The following FBXO40 variants were observed in gnomAD, a reference collection of about 807,000 sequenced individuals.
FBXO40 encodes the protein F-box protein 40.
FBXO40 carries 50 observed loss-of-function variants against 49.9 expected under a neutral mutation model. That is an observed-to-expected ratio of 1.00 (90% CI 0.80 to 1.27). The LOEUF is 1.27. Among genes scored for constraint, FBXO40 ranks in the 50% most tolerant of loss-of-function variants. The pLI is 0.00. For missense variants in FBXO40, 895 were observed against 870.1 expected, an observed-to-expected ratio of 1.03 and a Z score of -0.36; for synonymous variants, 340 against 320.2, an observed-to-expected ratio of 1.06 and a Z score of -0.66.
chr3:121,607,157 T>TGG (rs964785250), intron 1 of FBXO40, among the ~76,000 whole-genome samples: 2 of 150,292 alleles, frequency 1.3e-5, no homozygotes, highest in Non-Finnish European at 3.0e-5. Context: ...CCCAGCTACT[T>TGG]GGAAGGCTGA....
chr3:121,597,039 C>T (rs1372245190), intron 1 of FBXO40, among the ~76,000 whole-genome samples: 2 of 152,180 alleles, frequency 1.3e-5, no homozygotes, highest in Non-Finnish European at 2.9e-5. Context: ...CCTCCTTCCA[C>T]TGCCTGCACA....
intron 1 of FBXO40, among the ~76,000 whole-genome samples, chr3:121,606,211 A>G (rs1481954462): frequency 1.3e-5 from 2 of 152,232 alleles, no homozygotes; most frequent in Non-Finnish European, 2.9e-5. Flanking sequence ...AAGAGGAAGT[A>G]TAGACCTTCT....
chr3:121,629,737 A>G lies in FBXO40; in HGVS notation c.*2827A>G, dbSNP rs1054963113. ...CTGAAGCACGAGCTTCAATAAGACA[A>G]GCACACTTCATAGTGAGAGGGCAGC... On this transcript the variant is annotated 3_prime_UTR_variant, in exon 4 of 4. Coordinates refer to ENST00000338040, the MANE Select transcript of FBXO40 (RefSeq NM_016298.4). 6.6e-6 allele frequency: 1 copy of G among 152,256 alleles called. No individual in the cohort carries two copies. Among genetic ancestry groups the G allele is most frequent in the Admixed American group, 6.5e-5 (1 of 15,284 alleles). The allele number at this position is 152,256 out of a possible 1,614,324, so 9.4% of individuals were successfully genotyped here.
intron 1 of FBXO40, among the ~76,000 whole-genome samples, chr3:121,615,579 G>A (rs200215020): frequency 0.026 from 3,187 of 121,154 alleles, 92 homozygotes; most frequent in African/African-American, 0.086. Context: ...AAAAAAAAAA[G>A]AAGAAGAAGA....
chr3:121,611,224 C>G (rs1454433368), intron 1 of FBXO40, among the ~76,000 whole-genome samples: 4 of 152,140 alleles, frequency 2.6e-5, no homozygotes, highest in African/African-American at 9.7e-5. Context: ...CCCAGGGGAC[C>G]AGCGCTTAGC....
At position 121,621,562 on chromosome 3, in the gene FBXO40, A is replaced by G; in HGVS notation, c.133A>G (p.Thr45Ala). 1.2e-6 allele frequency: 2 copies of G among 1,614,180 alleles called. No individual in the cohort carries two copies. Among genetic ancestry groups the G allele is most frequent in the South Asian group, 2.2e-5 (2 of 91,084 alleles). ...AAGCTGCCACCTGCTCTGTGGTGCC[A>G]CCTTCCACATGTGCAAAGAGGCAGA... ...VISCHLLCGA[T>A]FHMCKEAEHQ... The change falls in exon 3 of 4, where the codon ACC (threonine) becomes GCC (alanine). Residue 45 changes from threonine (T) to alanine (A), a missense_variant. Coordinates refer to ENST00000338040, the MANE Select transcript of FBXO40 (RefSeq NM_016298.4).
rs561543642 is a variant in FBXO40, at chr3:121,621,656, T to C, written c.227T>C (p.Met76Thr). The C allele has an allele frequency of 9.3e-6, 15 of 1,614,052 alleles. No homozygotes were observed. Among genetic ancestry groups the C allele is most frequent in the Non-Finnish European group, 1.1e-5 (13 of 1,179,986 alleles). The change falls in exon 3 of 4, where the codon ATG becomes ACG. Residue 76 changes from methionine to threonine, a missense_variant. By Grantham distance (81) the Met-to-Thr change is moderately conservative. Coordinates refer to ENST00000338040, the MANE Select transcript of FBXO40 (RefSeq NM_016298.4). Reference protein sequence around the residue: ...LNSEYGCPLSMSRHKLAKHLQ... With the variant: ...LNSEYGCPLSTSRHKLAKHLQ... Reference sequence around the variant, plus strand: ...TCCGAATATGGCTGCCCTCTGTCCATGTCCCGCCACAAACTGGCCAAGCAC... The same window carrying C: ...TCCGAATATGGCTGCCCTCTGTCCACGTCCCGCCACAAACTGGCCAAGCAC...
chr3:121,622,162 G>A lies in FBXO40; in HGVS notation c.733G>A (p.Asp245Asn). ...GAGCTGTGAGAGCAAGAACAAGAAT[G>A]ACTCCGAGAAAGAACAGATTTCCAG... ...SASCESKNKN[D>N]SEKEQISSGH... Residue 245 changes from aspartate (D) to asparagine (N), a missense_variant, in exon 3 of 4, where the codon GAC (aspartate) becomes AAC (asparagine). By Grantham distance (23) the Asp-to-Asn change is conservative. Transcript: ENST00000338040. 1 of 1,614,114 alleles carries A rather than the reference G, an allele frequency of 6.2e-7. No individual in the cohort carries two copies. The highest frequency in any genetic ancestry group is 8.5e-7 in the Non-Finnish European group (1 of 1,180,008).
At chr3:121,617,638 A>G (rs9856781) in intron 1 of FBXO40, among the ~76,000 whole-genome samples, 41,014 of 152,028 alleles carry the variant, frequency 0.27, 5,884 homozygotes, top group Middle Eastern at 0.39. Context: ...GTTAGAAGAA[A>G]TAAGTTCTAG....
chr3:121,610,829 CAG>C (rs539957936), intron 1 of FBXO40, among the ~76,000 whole-genome samples: 1 of 152,094 alleles, frequency 6.6e-6, no homozygotes, highest in Non-Finnish European at 1.5e-5. Context: ...TTAGTAGAGA[CAG>C]GGTTTCACCA....
intron 2 of FBXO40, 125 bp downstream of exon 2, chr3:121,620,703 C>T (rs1476797077): frequency 8.4e-7 from 1 of 1,191,284 alleles, no homozygotes; most frequent in Non-Finnish European, 1.2e-6. Context: ...AACTTTTTTC[C>T]AAACTAGAGA....
chr3:121,596,575 A>G (rs530765873), intron 1 of FBXO40, among the ~76,000 whole-genome samples: 1 of 152,170 alleles, frequency 6.6e-6, no homozygotes, highest in Non-Finnish European at 1.5e-5. Context: ...TTGAGAAGCT[A>G]TGGAATATGG....
In FBXO40 at chr3:121,622,193, A is replaced by G. The variant is rs1388927762; in HGVS notation, c.764A>G (p.His255Arg). 1 of 1,613,896 alleles carries G rather than the reference A, an allele frequency of 6.2e-7. No homozygotes were observed. Among genetic ancestry groups the G allele is most frequent in the Non-Finnish European group, 8.5e-7 (1 of 1,180,002 alleles). The change falls in exon 3 of 4, where the codon CAT becomes CGT. Residue 255 changes from histidine to arginine, a missense_variant. Transcript: ENST00000338040. ...GAGAAAGAACAGATTTCCAGTGGCC[A>G]TAACATGGTAGAAGGAGAGGGCGCT... is the stretch of plus-strand genomic sequence containing the variant. Reference protein sequence around the residue: ...DSEKEQISSGHNMVEGEGAPK... With the variant: ...DSEKEQISSGRNMVEGEGAPK...
intron 3 of FBXO40, 87 bp from the exon 4 acceptor site, chr3:121,626,608 G>C: frequency 8.7e-7 from 1 of 1,149,898 alleles, no homozygotes; most frequent in Non-Finnish European, 1.3e-6. Flanking sequence ...TGAAGAACAG[G>C]AGGATATTTC....
intron 1 of FBXO40, among the ~76,000 whole-genome samples, chr3:121,614,090 A>G (rs923155778): frequency 1.3e-5 from 2 of 152,080 alleles, no homozygotes; most frequent in African/African-American, 4.8e-5. Context: ...AACATGGTGA[A>G]ACCCTCTATC....
intron 2 of FBXO40, 22 bp from the exon 3 acceptor site, chr3:121,621,411 C>T (rs1435599808): frequency 1.3e-6 from 2 of 1,587,648 alleles, no homozygotes; most frequent in South Asian, 1.1e-5. Flanking sequence ...TGTTTTCTTC[C>T]CCCTGTCCTT....
intron 1 of FBXO40, among the ~76,000 whole-genome samples, chr3:121,616,231 G>A (rs1008840039): frequency 1.3e-5 from 2 of 152,238 alleles, no homozygotes; most frequent in African/African-American, 2.4e-5. Flanking sequence ...GCACTCTGCC[G>A]TGATTCCTCT....
At chr3:121,598,242 G>T (rs2108843605) in intron 1 of FBXO40, among the ~76,000 whole-genome samples, 1 of 152,330 alleles carries the variant, frequency 6.6e-6, no homozygotes, top group South Asian at 2.1e-4. Flanking sequence ...AGGGTGGGAG[G>T]TCAGGCAAAA....
At position 121,626,994 on chromosome 3, in the gene FBXO40, T is replaced by A; in HGVS notation, c.*84T>A. The stretch of plus-strand genomic sequence containing the variant: ...GGACAGAGTGTGTGGTTTTGAGGAC[T>A]CCCTTCTGTAAACTGCCTATTTGCT... On this transcript the variant is annotated 3_prime_UTR_variant, in exon 4 of 4. Transcript: ENST00000338040. 1 of 1,321,730 alleles carries A rather than the reference T, an allele frequency of 7.6e-7. No individual in the cohort carries two copies. The highest frequency in any genetic ancestry group is 1.1e-6 in the Non-Finnish European group (1 of 933,076). 81.9% of individuals were successfully genotyped at this position (1,321,730 alleles called of 1,614,324 possible). A position where few individuals can be genotyped will look rare whatever the true frequency, so the allele number is the denominator to read the frequency against.
Sources: allele counts gnomAD v4.1 joint callset (sites outside exome capture counted in the v4.1 genomes callset), GRCh38; gene constraint gnomAD v4.1.1; transcripts MANE v1.5; gene names NCBI Gene and HGNC (gene_info 2026-07-23, HGNC 2026-07-21).